The following INTS6L variants were observed in gnomAD, a reference collection of about 807,000 sequenced individuals.
INTS6L encodes integrator complex subunit 6-like.
A neutral mutation model predicts 64.7 loss-of-function variants in INTS6L; 18 were observed. The ratio of observed to expected loss-of-function variants is 0.28; its 90% CI spans 0.19 to 0.41. The LOEUF (loss-of-function observed/expected upper bound fraction) is 0.41. Ranked by LOEUF, INTS6L falls within the 10% of genes least tolerant of loss-of-function variation. The pLI, the probability that INTS6L is intolerant of heterozygous loss-of-function variation, is 1.00. For missense variants in INTS6L, 533 were observed against 661.0 expected (o/e 0.81, Z 2.12); for synonymous variants, 227 against 235.9 (o/e 0.96, Z 0.34).
intron 7 of INTS6L, among the ~76,000 whole-genome samples, chrX:135,550,851 G>A (rs2148624144): frequency 9.0e-6 from 1 of 111,396 alleles, no homozygotes; most frequent in Non-Finnish European, 1.9e-5. Flanking sequence ...CTCGAGTACA[G>A]GCTTTATGGC....
In INTS6L at chrX:135,572,851, G is replaced by A; in HGVS notation, c.1435G>A (p.Gly479Arg). ...GTCAGAACGAATACTAGCATCAGTG[G>A]GGAAGAAACCTCCCCAGGAAATTGG... ...LESERILASV[G>R]KKPPQEIGIK... is the part of the protein sequence containing the mutation. Residue 479 changes from glycine (G) to arginine (R), a missense_variant, in exon 12 of 18, where the codon GGG becomes AGG. Coordinates refer to ENST00000639893, the MANE Select transcript of INTS6L (RefSeq NM_001351601.3). 8.3e-7 allele frequency: 1 copy of A among 1,211,312 alleles called. No homozygotes were observed. The highest frequency in any genetic ancestry group is 1.1e-6 in the Non-Finnish European group (1 of 895,333).
chrX:135,557,833 G>A (rs1305087448), intron 9 of INTS6L, among the ~76,000 whole-genome samples: 1 of 112,061 alleles, frequency 8.9e-6, no homozygotes, highest in African/African-American at 3.2e-5. Context: ...CAAGGGAGAC[G>A]ATTAACAGAG....
intron 2 of INTS6L, among the ~76,000 whole-genome samples, chrX:135,533,111 C>G (rs781859979): frequency 9.0e-6 from 1 of 111,621 alleles, no homozygotes; most frequent in African/African-American, 3.3e-5. Flanking sequence ...AAAAAAACAA[C>G]TTTTAAATTT....
chrX:135,566,360 G>A (rs1260098310), intron 9 of INTS6L, among the ~76,000 whole-genome samples: 1 of 111,843 alleles, frequency 8.9e-6, no homozygotes, highest in Non-Finnish European at 1.9e-5. Context: ...TATCTTAGTA[G>A]CTCTCGAAGG....
intron 9 of INTS6L, among the ~76,000 whole-genome samples, chrX:135,563,659 C>A (rs1390441032): frequency 0.046 from 136 of 2,929 alleles, 4 homozygotes; most frequent in African/African-American, 0.088. Context: ...ATATATATAG[C>A]TATATATATA....
At chrX:135,566,172 C>A (rs2086942451) in intron 9 of INTS6L, among the ~76,000 whole-genome samples, 1 of 112,030 alleles carries the variant, frequency 8.9e-6, no homozygotes, top group African/African-American at 3.2e-5. Flanking sequence ...GATACCTAAT[C>A]TGTCTATGCC....
At chrX:135,555,693 G>T (rs1188775663) in intron 8 of INTS6L, among the ~76,000 whole-genome samples, 1 of 111,478 alleles carries the variant, frequency 9.0e-6, no homozygotes, top group Non-Finnish European at 1.9e-5. Context: ...TTCATATTTA[G>T]TAGGATTTTT....
At position 135,570,842 on chromosome X, in the gene INTS6L, T is replaced by C. The variant is rs782576694; in HGVS notation, c.1398+296T>C. 3.5e-5 allele frequency: 8 copies of C among 226,556 alleles called. No homozygotes were observed. In the South Asian group the frequency reaches 6.1e-4, roughly 17 times the overall value. The allele number at this position is 226,556 out of a possible 1,213,427, so 18.7% of individuals were successfully genotyped here. On this transcript the variant is annotated intron_variant, in intron 11 of 17. Coordinates refer to ENST00000639893, the MANE Select transcript of INTS6L (RefSeq NM_001351601.3). The stretch of plus-strand genomic sequence containing the variant: ...GACTTCTCTCATGGGTCACATTTTG[T>C]CTATCTTCAACCTAGTTCCTCCTCA...
chrX:135,534,682 CTTTTTTT>C (rs1293328959), intron 2 of INTS6L, among the ~76,000 whole-genome samples: 4 of 92,089 alleles, frequency 4.3e-5, no homozygotes, highest in South Asian at 5.0e-4. Flanking sequence ...TTTTTCTTTT[CTTTTTTT>C]TTTTTTTTTT....
intron 2 of INTS6L, among the ~76,000 whole-genome samples, chrX:135,523,191 C>G (rs2085635096): frequency 9.1e-6 from 1 of 110,330 alleles, no homozygotes; most frequent in South Asian, 3.9e-4. Context: ...TTGAGACCAG[C>G]CTGGGCAACA....
intron 2 of INTS6L, among the ~76,000 whole-genome samples, chrX:135,542,034 A>G (rs1313429624): frequency 1.8e-5 from 2 of 111,642 alleles, no homozygotes; most frequent in East Asian, 5.6e-4. Context: ...TTCTCTTGAT[A>G]TAGGGAGCTG....
intron 11 of INTS6L, chrX:135,572,280 G>A (rs2087108728): frequency 8.9e-6 from 1 of 112,430 alleles, no homozygotes; most frequent in African/African-American, 3.2e-5. Context: ...GTTAAATTAA[G>A]CATTATCTTC....
chrX:135,575,198 T>A lies in INTS6L; in HGVS notation c.1856T>A (p.Phe619Tyr). ...DPDQPKRLHT[F>Y]GNPFKQDKKG... The stretch of plus-strand genomic sequence containing the variant: ...GACCAACCCAAAAGACTGCATACTT[T>A]TGGCAATCCGTTTAAACAAGATAAG... The change falls in exon 14 of 18, where the codon TTT becomes TAT. Residue 619 changes from phenylalanine to tyrosine, a missense_variant. Coordinates refer to ENST00000639893, the MANE Select transcript of INTS6L (RefSeq NM_001351601.3). The A allele has an allele frequency of 8.3e-7, 1 of 1,211,062 alleles. No individual in the cohort carries two copies. The highest frequency in any genetic ancestry group is 1.8e-5 in the South Asian group (1 of 56,638).
intron 1 of INTS6L, 26 bp downstream of exon 1, chrX:135,521,129 G>T: frequency 8.4e-7 from 1 of 1,193,955 alleles, no homozygotes; most frequent in Non-Finnish European, 1.1e-6. Flanking sequence ...GGGAGAGATG[G>T]GGAGAGCTCC....
intron 9 of INTS6L, among the ~76,000 whole-genome samples, chrX:135,561,656 C>T (rs1556522309): frequency 8.9e-6 from 1 of 112,374 alleles, no homozygotes; most frequent in African/African-American, 3.2e-5. Flanking sequence ...CTATCTGGTT[C>T]TAAACATTCC....
chrX:135,541,737 T>C (rs2086224241), intron 2 of INTS6L, among the ~76,000 whole-genome samples: 1 of 112,554 alleles, frequency 8.9e-6, no homozygotes, highest in African/African-American at 3.2e-5. Context: ...GAAGTTATTA[T>C]CAGGAGTGAA....
intron 2 of INTS6L, among the ~76,000 whole-genome samples, chrX:135,540,890 T>C (rs2086199745): frequency 9.0e-6 from 1 of 111,088 alleles, no homozygotes; most frequent in Admixed American, 9.6e-5. Flanking sequence ...TCTTCCCGCC[T>C]CAGCCTTCTG....
chrX:135,543,287 C>G (rs553647927), intron 2 of INTS6L, among the ~76,000 whole-genome samples: 1 of 112,109 alleles, frequency 8.9e-6, no homozygotes. Flanking sequence ...ACTTTATAGT[C>G]AGAGCCCAAA....
At chrX:135,574,996 A>G in intron 13 of INTS6L, 88 bp from the exon 14 acceptor site, 1 of 1,009,142 alleles carries the variant, frequency 9.9e-7, no homozygotes, top group East Asian at 3.1e-5. Context: ...CAAGACACAC[A>G]CTGCTAAACC....
Sources: allele counts gnomAD v4.1 joint callset (sites outside exome capture counted in the v4.1 genomes callset), GRCh38; gene constraint gnomAD v4.1.1; transcripts MANE v1.5; gene names NCBI Gene and HGNC (gene_info 2026-07-23, HGNC 2026-07-21).